Variants in TMTC2 observed in about 807,000 individuals in gnomAD.
TMTC2 encodes transmembrane O-mannosyltransferase targeting cadherins 2.
In TMTC2, 43 loss-of-function variants were observed where a neutral mutation model predicts 82.4. The observed-to-expected ratio is 0.52, with a 90% confidence interval of 0.41 to 0.67. The LOEUF (loss-of-function observed/expected upper bound fraction) is 0.67. Among genes scored for constraint, TMTC2 ranks in the 30% least tolerant of loss-of-function variants. The pLI is 0.00. For synonymous variants in TMTC2, 408 were observed against 381.9 expected (o/e 1.07, Z -0.80); for missense variants, 919 against 1,012.4 (o/e 0.91, Z 1.25).
chr12:82,938,526 T>C (rs1209395298), intron 4 of TMTC2, among the ~76,000 whole-genome samples: 1 of 152,090 alleles, frequency 6.6e-6, no homozygotes, highest in East Asian at 1.9e-4. Context: ...TCAGAGAGAT[T>C]ATCAAGCAGG....
intron 1 of TMTC2, among the ~76,000 whole-genome samples, chr12:82,692,140 A>T (rs1233726093): frequency 6.6e-6 from 1 of 152,186 alleles, no homozygotes; most frequent in Non-Finnish European, 1.5e-5. Flanking sequence ...TGACCCACAT[A>T]CATGCATTGA....
intron 8 of TMTC2, among the ~76,000 whole-genome samples, chr12:83,008,116 A>G (rs891460606): frequency 6.6e-6 from 1 of 152,224 alleles, no homozygotes; most frequent in South Asian, 2.1e-4. Flanking sequence ...CAGATTTGCC[A>G]TTGAAAGTAA....
At chr12:82,793,375 T>C (rs893075832) in intron 1 of TMTC2, among the ~76,000 whole-genome samples, 2 of 151,572 alleles carry the variant, frequency 1.3e-5, no homozygotes, top group Non-Finnish European at 2.9e-5. Context: ...TTTCTTTTTT[T>C]TTTTTTCAAA....
At chr12:82,688,258 C>T (rs1004533051) in intron 1 of TMTC2, among the ~76,000 whole-genome samples, 3 of 152,220 alleles carry the variant, frequency 2.0e-5, no homozygotes, top group African/African-American at 7.2e-5. Flanking sequence ...CCCTAGCCTC[C>T]TTCACCAATC....
intron 1 of TMTC2, among the ~76,000 whole-genome samples, chr12:82,807,139 T>C (rs1230703116): frequency 6.6e-6 from 1 of 152,190 alleles, no homozygotes; most frequent in East Asian, 1.9e-4. Context: ...TCATTCAATA[T>C]GACTTTTAAA....
At chr12:83,088,765 G>A (rs1203889771) in intron 11 of TMTC2, among the ~76,000 whole-genome samples, 3 of 152,250 alleles carry the variant, frequency 2.0e-5, no homozygotes, top group East Asian at 1.9e-4. Flanking sequence ...AATAATAAAA[G>A]CATTTGAAAT....
At chr12:82,993,205 G>A (rs1389901821) in intron 8 of TMTC2, among the ~76,000 whole-genome samples, 2 of 151,986 alleles carry the variant, frequency 1.3e-5, no homozygotes, top group East Asian at 1.9e-4. Context: ...GGCTGGTCTC[G>A]AACTCCTGAC....
chr12:82,902,135 T>C (rs1243742341), intron 3 of TMTC2, among the ~76,000 whole-genome samples: 2 of 152,136 alleles, frequency 1.3e-5, no homozygotes, highest in East Asian at 3.9e-4. Context: ...ACAGATGCTC[T>C]GGGTATATTT....
intron 11 of TMTC2, among the ~76,000 whole-genome samples, chr12:83,078,071 C>G (rs1356886980): frequency 2.0e-5 from 3 of 151,932 alleles, no homozygotes; most frequent in Admixed American, 6.5e-5. Context: ...TAGCAGGGCT[C>G]TCACTGAAGG....
intron 11 of TMTC2, among the ~76,000 whole-genome samples, chr12:83,074,926 A>G (rs2137494358): frequency 6.6e-6 from 1 of 152,274 alleles, no homozygotes; most frequent in South Asian, 2.1e-4. Flanking sequence ...TACAAAGTTC[A>G]GCTAGAGATT....
chr12:82,695,368 A>G (rs1872737876), intron 1 of TMTC2, among the ~76,000 whole-genome samples: 2 of 152,132 alleles, frequency 1.3e-5, no homozygotes, highest in Non-Finnish European at 2.9e-5. Context: ...AAGGATGCAA[A>G]CTATTCTCTT....
chr12:83,126,304 T>C (rs1245143165), intron 11 of TMTC2, among the ~76,000 whole-genome samples: 1 of 152,100 alleles, frequency 6.6e-6, no homozygotes, highest in Admixed American at 6.6e-5. Flanking sequence ...CTCCTGGGGA[T>C]GGTCAGGAAT....
At chr12:82,879,953 A>G (rs1176134289) in intron 2 of TMTC2, among the ~76,000 whole-genome samples, 3 of 152,238 alleles carry the variant, frequency 2.0e-5, no homozygotes, top group East Asian at 3.8e-4. Context: ...TGGGAGGAAT[A>G]AAGTGATGTA....
Position 82,985,980 on chromosome 12 carries a change from A to G in TMTC2, c.2004A>G (p.Glu668=). 6.2e-7 allele frequency: 1 copy of G among 1,614,046 alleles called. No individual in the cohort carries two copies. The highest frequency in any genetic ancestry group is 8.5e-7 in the Non-Finnish European group (1 of 1,179,934). The change falls in exon 8 of 12, where the codon GAA becomes GAG. Residue 668 remains glutamate, a synonymous_variant. Coordinates refer to ENST00000321196, the MANE Select transcript of TMTC2 (RefSeq NM_152588.3). The stretch of plus-strand genomic sequence containing the variant: ...CCGAAGCAGAGCATTGGTATATGGA[A>G]TCACTGAGATCCAAGACTGACCACA... The part of the protein sequence containing the change: ...KLPEAEHWYM[E]SLRSKTDHIP...
intron 8 of TMTC2, among the ~76,000 whole-genome samples, chr12:83,011,267 A>G (rs1592692739): frequency 6.6e-6 from 1 of 152,242 alleles, no homozygotes; most frequent in Admixed American, 6.5e-5. Context: ...CGCTAGTTCT[A>G]GACTGCCTGG....
chr12:83,038,898 T>C (rs1396095375), intron 9 of TMTC2, among the ~76,000 whole-genome samples: 1 of 151,510 alleles, frequency 6.6e-6, no homozygotes, highest in African/African-American at 2.4e-5. Flanking sequence ...ACAAATACTT[T>C]AATAAAATAT....
intron 3 of TMTC2, among the ~76,000 whole-genome samples, chr12:82,912,503 T>G (rs1175493130): frequency 1.3e-5 from 2 of 152,224 alleles, no homozygotes; most frequent in African/African-American, 2.4e-5. Context: ...TATTTTGAAA[T>G]GTTTTCCTTT....
At chr12:82,822,283 A>G (rs1485261618) in intron 1 of TMTC2, among the ~76,000 whole-genome samples, 1 of 152,170 alleles carries the variant, frequency 6.6e-6, no homozygotes, top group Non-Finnish European at 1.5e-5. Context: ...ATGAACTGTA[A>G]GGTAAACTAT....
chr12:82,859,914 G>C (rs1871449870), intron 2 of TMTC2, among the ~76,000 whole-genome samples: 1 of 152,152 alleles, frequency 6.6e-6, no homozygotes, highest in Admixed American at 6.5e-5. Context: ...TCATTCTTAG[G>C]TTTGGGGCCA....
Sources: allele counts gnomAD v4.1 joint callset (sites outside exome capture counted in the v4.1 genomes callset), GRCh38; gene constraint gnomAD v4.1.1; transcripts MANE v1.5; gene names NCBI Gene and HGNC (gene_info 2026-07-23, HGNC 2026-07-21).